The following PITPNC1 variants were observed in gnomAD, a reference collection of about 807,000 sequenced individuals.
PITPNC1 encodes cytoplasmic phosphatidylinositol transfer protein 1.
A neutral mutation model predicts 44.7 loss-of-function variants in PITPNC1; 18 were observed. The ratio of observed to expected loss-of-function variants is 0.40; its 90% CI spans 0.28 to 0.60. The LOEUF (loss-of-function observed/expected upper bound fraction) is 0.60. PITPNC1 is among the 20% of genes least tolerant of loss of function. The pLI, the probability that PITPNC1 is intolerant of heterozygous loss-of-function variation, is 0.39. For missense variants in PITPNC1, 290 were observed against 418.4 expected, an observed-to-expected ratio of 0.69 and a Z score of 2.68; for synonymous variants, 141 against 149.6, an observed-to-expected ratio of 0.94 and a Z score of 0.42.
intron 1 of PITPNC1, among the ~76,000 whole-genome samples, chr17:67,407,899 A>T (rs1002364957): frequency 6.6e-6 from 1 of 152,232 alleles, no homozygotes; most frequent in Non-Finnish European, 1.5e-5. Context: ...CACATCTCAG[A>T]CATGAGTGTG....
chr17:67,396,143 G>A lies in PITPNC1; in HGVS notation c.48+17941G>A, dbSNP rs1598612810. On this transcript the variant is annotated intron_variant, in intron 1 of 8. Coordinates refer to ENST00000581322, the MANE Select transcript of PITPNC1 (RefSeq NM_012417.4). ...AATTTGTCTGAAAAGGAGCTTGGTG[G>A]TGGTTGTGTGTGCTTGTGTGTTTTT... Among the ~76,000 whole-genome samples, 4 of 152,268 alleles carry A rather than the reference G, an allele frequency of 2.6e-5. No homozygotes were observed. In the South Asian group the frequency reaches 8.3e-4, roughly 32 times the overall value.
chr17:67,498,805 A>C (rs958128484), intron 1 of PITPNC1, among the ~76,000 whole-genome samples: 1 of 150,542 alleles, frequency 6.6e-6, no homozygotes, highest in Non-Finnish European at 1.5e-5. Flanking sequence ...AGTGGTGTTG[A>C]ATATCATTTC....
intron 2 of PITPNC1, among the ~76,000 whole-genome samples, chr17:67,543,411 G>A (rs1000682041): frequency 6.6e-6 from 1 of 152,212 alleles, no homozygotes; most frequent in Non-Finnish European, 1.5e-5. Context: ...CAAAGTGGCT[G>A]CACTGTTTTA....
chr17:67,685,554 C>T (rs532112412), intron 8 of PITPNC1, among the ~76,000 whole-genome samples: 1 of 152,196 alleles, frequency 6.6e-6, no homozygotes, highest in East Asian at 1.9e-4. Context: ...TGAATGCCCA[C>T]TCTAAATCCC....
chr17:67,562,551 C>G (rs2040919515), intron 4 of PITPNC1, among the ~76,000 whole-genome samples: 1 of 151,400 alleles, frequency 6.6e-6, no homozygotes, highest in Non-Finnish European at 1.5e-5. Context: ...TTTTTTTTCC[C>G]CACTTGAGTT....
At chr17:67,426,527 G>A (rs1031413639) in intron 1 of PITPNC1, among the ~76,000 whole-genome samples, 4 of 151,588 alleles carry the variant, frequency 2.6e-5, no homozygotes, top group African/African-American at 9.7e-5. Flanking sequence ...CAAACACCAC[G>A]TGTTCTCACT....
rs2144491642 is a variant in PITPNC1 at position 67,695,583 on chromosome 17, C to T, written c.*2695C>T. 6.9e-6 allele frequency: 1 copy of T among 144,070 alleles called. No homozygotes were observed. The highest frequency in any genetic ancestry group is 2.2e-4 in the South Asian group (1 of 4,530). The allele number at this position is 144,070 out of a possible 1,614,324, so 8.9% of individuals were successfully genotyped here. ...CGATATGGAAACCTTCAACTTTGTT[C>T]ACCAAAATTGTATTATACCTGTGTA... On this transcript the variant is annotated 3_prime_UTR_variant, in exon 9 of 9. Transcript: ENST00000581322.
At chr17:67,576,132 C>T (rs541331052) in intron 4 of PITPNC1, among the ~76,000 whole-genome samples, 1 of 152,208 alleles carries the variant, frequency 6.6e-6, no homozygotes, top group East Asian at 1.9e-4. Context: ...CTGCCTTGGT[C>T]TCCCAAAGTG....
chr17:67,468,910 G>A (rs2039471995), intron 1 of PITPNC1, among the ~76,000 whole-genome samples: 1 of 152,054 alleles, frequency 6.6e-6, no homozygotes, highest in Non-Finnish European at 1.5e-5. Context: ...TGTATTTTTA[G>A]TAGAGACGAG....
intron 1 of PITPNC1, among the ~76,000 whole-genome samples, chr17:67,526,707 G>A (rs2040395354): frequency 6.6e-6 from 1 of 151,820 alleles, no homozygotes; most frequent in Admixed American, 6.6e-5. Context: ...ACTCCACCTG[G>A]GCGACAGAGA....
chr17:67,592,794 T>C (rs1296975471), intron 5 of PITPNC1, among the ~76,000 whole-genome samples: 3 of 152,224 alleles, frequency 2.0e-5, no homozygotes, highest in African/African-American at 7.2e-5. Flanking sequence ...CCCAGCACTT[T>C]GGGAGGCCAA....
At chr17:67,636,047 C>T (rs1192914173) in intron 6 of PITPNC1, among the ~76,000 whole-genome samples, 1 of 152,040 alleles carries the variant, frequency 6.6e-6, no homozygotes, top group Non-Finnish European at 1.5e-5. Flanking sequence ...GCCTATAATC[C>T]CAGCACTTTG....
At chr17:67,548,814 TAGAG>T (rs980756792) in intron 2 of PITPNC1, among the ~76,000 whole-genome samples, 46 of 152,262 alleles carry the variant, frequency 3.0e-4, no homozygotes, top group African/African-American at 8.9e-4. Flanking sequence ...GCCTTTCTAA[TAGAG>T]AGGCTCTTGT....
intron 1 of PITPNC1, among the ~76,000 whole-genome samples, chr17:67,385,325 C>T (rs913724039): frequency 9.2e-5 from 14 of 152,222 alleles, no homozygotes; most frequent in Admixed American, 9.2e-4. Context: ...AATCAGCTCT[C>T]TGTGGCTAGC....
chr17:67,506,075 C>G (rs2040097593), intron 1 of PITPNC1, among the ~76,000 whole-genome samples: 2 of 152,118 alleles, frequency 1.3e-5, no homozygotes, highest in South Asian at 4.1e-4. Context: ...GTCCCTTTCC[C>G]TTTTCTCTCC....
intron 6 of PITPNC1, among the ~76,000 whole-genome samples, chr17:67,658,610 C>T (rs528914088): frequency 3.9e-5 from 6 of 152,258 alleles, no homozygotes; most frequent in Admixed American, 3.3e-4. Context: ...GACAAGAACT[C>T]GGACCTAGCT....
intron 1 of PITPNC1, among the ~76,000 whole-genome samples, chr17:67,495,817 T>C (rs1270055180): frequency 6.6e-6 from 1 of 152,160 alleles, no homozygotes; most frequent in South Asian, 2.1e-4. Flanking sequence ...ACAGCTATGG[T>C]CATAACATAT....
intron 1 of PITPNC1, among the ~76,000 whole-genome samples, chr17:67,416,461 C>T (rs1567981525): frequency 6.6e-6 from 1 of 152,062 alleles, no homozygotes; most frequent in South Asian, 2.1e-4. Flanking sequence ...AATGATCCTC[C>T]CGCCTCAGCC....
intron 5 of PITPNC1, among the ~76,000 whole-genome samples, chr17:67,588,526 C>G (rs376103506): frequency 6.6e-6 from 1 of 152,042 alleles, no homozygotes; most frequent in African/African-American, 2.4e-5. Flanking sequence ...TCCCTTTGTC[C>G]GTCAACTCTG....
Sources: gnomAD v4.1 joint callset for allele counts (sites outside exome capture counted in the v4.1 genomes callset) on GRCh38, gnomAD v4.1.1 for gene constraint, MANE v1.5 for transcripts, NCBI Gene and HGNC (gene_info 2026-07-23, HGNC 2026-07-21) for gene names.